The following FIRRM variants were observed in gnomAD, a reference collection of about 807,000 sequenced individuals.
FIRRM encodes the protein FIGNL1-interacting regulator of recombination and mitosis.
At chr1:169,833,552 T>C in the FIRRM span, among the ~76,000 whole-genome samples, 1 of 152,356 alleles carries the variant, frequency 6.6e-6, no homozygotes, top group African/African-American at 2.4e-5. Context: ...AAATAATACA[T>C]GCAAAACAGG....
chr1:169,803,125 C>A, the FIRRM span: 2 of 1,591,366 alleles, frequency 1.3e-6, no homozygotes, highest in Admixed American at 1.7e-5. Context: ...CTTTTCAGTG[C>A]ACAAAAAATA....
At chr1:169,851,778 C>A in the FIRRM span, 1 of 1,604,614 alleles carries the variant, frequency 6.2e-7, no homozygotes, top group Middle Eastern at 1.7e-4. Context: ...AGAGTGCTAA[C>A]ATGTTGCTAT....
chr1:169,817,640 T>C, the FIRRM span, among the ~76,000 whole-genome samples: 2 of 152,278 alleles, frequency 1.3e-5, no homozygotes, highest in Admixed American at 1.3e-4. Context: ...CTATTGATGT[T>C]AACCCCAATT....
At chr1:169,843,846 A>T in the FIRRM span, 2 of 852,480 alleles carry the variant, frequency 2.3e-6, no homozygotes, top group Non-Finnish European at 2.0e-6. Context: ...ATAACTTTCT[A>T]GAAATAGTTC....
chr1:169,847,604 A>G, the FIRRM span: 3 of 987,670 alleles, frequency 3.0e-6, no homozygotes, highest in East Asian at 5.0e-5. Flanking sequence ...CCCTCCCCAC[A>G]TTTCCATCCA....
chr1:169,818,334 C>A, the FIRRM span, among the ~76,000 whole-genome samples: 6 of 152,216 alleles, frequency 3.9e-5, no homozygotes, highest in Non-Finnish European at 8.8e-5. Context: ...CACATGTCCC[C>A]AGGCCTTACC....
chr1:169,786,475 G>T, the FIRRM span, among the ~76,000 whole-genome samples: 2 of 152,152 alleles, frequency 1.3e-5, no homozygotes, highest in Non-Finnish European at 2.9e-5. Context: ...AAAAAAGCTG[G>T]CATAGAGAGT....
At chr1:169,852,304 T>C in the FIRRM span, 3 of 305,176 alleles carry the variant, frequency 9.8e-6, no homozygotes, top group East Asian at 1.8e-4. Flanking sequence ...CTAATAATTT[T>C]TGGCAGTAAC....
the FIRRM span, chr1:169,794,981 C>T: frequency 1.3e-6 from 1 of 750,988 alleles, no homozygotes; most frequent in Non-Finnish European, 2.2e-6. Flanking sequence ...CACCAAGAAA[C>T]CAGCCGCCCT....
chr1:169,814,711 C>A, the FIRRM span, among the ~76,000 whole-genome samples: 1 of 152,132 alleles, frequency 6.6e-6, no homozygotes, highest in Non-Finnish European at 1.5e-5. Context: ...ATAGATGATT[C>A]TTCTTGTAAA....
chr1:169,851,628 T>A, the FIRRM span: 1 of 681,896 alleles, frequency 1.5e-6, no homozygotes, highest in South Asian at 2.2e-5. Context: ...AACTAACTAT[T>A]TTGTAAGGAA....
chr1:169,853,034 A>C, the FIRRM span: 1 of 1,575,110 alleles, frequency 6.3e-7, no homozygotes, highest in Non-Finnish European at 8.7e-7. Context: ...TCAACTGAAA[A>C]TACTTATGTC....
At chr1:169,803,218 G>C in the FIRRM span, 2 of 1,613,860 alleles carry the variant, frequency 1.2e-6, no homozygotes, top group East Asian at 2.2e-5. Flanking sequence ...CAGCATATCT[G>C]TGCCACACAG....
At chr1:169,822,825 C>T in the FIRRM span, among the ~76,000 whole-genome samples, 2 of 152,092 alleles carry the variant, frequency 1.3e-5, no homozygotes, top group Admixed American at 1.3e-4. Context: ...TTACAGTTAT[C>T]GCTACTGTTC....
At chr1:169,831,156 A>G in the FIRRM span, among the ~76,000 whole-genome samples, 1 of 151,964 alleles carries the variant, frequency 6.6e-6, no homozygotes, top group African/African-American at 2.4e-5. Context: ...AGTCAAGATG[A>G]TTTGAGAGGA....
chr1:169,797,266 T>C, the FIRRM span, among the ~76,000 whole-genome samples: 179 of 152,308 alleles, frequency 1.2e-3, 2 homozygotes, highest in African/African-American at 4.0e-3. Flanking sequence ...AATGAAAAAT[T>C]TGCAATAAAT....
chr1:169,803,158 C>T, the FIRRM span: 1 of 1,611,480 alleles, frequency 6.2e-7, no homozygotes, highest in African/African-American at 1.3e-5. Flanking sequence ...AATTTCCTTC[C>T]TTATTCACAG....
At chr1:169,828,483 C>T in the FIRRM span, among the ~76,000 whole-genome samples, 1 of 152,168 alleles carries the variant, frequency 6.6e-6, no homozygotes, top group South Asian at 2.1e-4. Context: ...TCTGTCACCC[C>T]CTTATTTGTG....
At chr1:169,821,947 A>G in the FIRRM span, among the ~76,000 whole-genome samples, 1 of 152,128 alleles carries the variant, frequency 6.6e-6, no homozygotes, top group Non-Finnish European at 1.5e-5. Context: ...TGGTTAGACT[A>G]TGTCTTAGAA....
Sources: allele counts gnomAD v4.1 joint callset (sites outside exome capture counted in the v4.1 genomes callset), GRCh38; gene constraint gnomAD v4.1.1; transcripts MANE v1.5; gene names NCBI Gene and HGNC (gene_info 2026-07-23, HGNC 2026-07-21).